VMP1: variants seen among roughly 807,000 people sequenced by gnomAD.
The protein encoded by VMP1 is ectopic P-granules autophagy protein 3 homolog.
VMP1 carries 11 observed loss-of-function variants against 56.0 expected under a neutral mutation model. That is an observed-to-expected ratio of 0.20 (90% CI 0.12 to 0.32). The LOEUF (loss-of-function observed/expected upper bound fraction) is 0.32. Ranked by LOEUF, VMP1 falls within the 10% of genes least tolerant of loss-of-function variation. VMP1 has a pLI of 1.00. For missense variants in VMP1, 296 were observed against 490.3 expected, an observed-to-expected ratio of 0.60 and a Z score of 3.74; for synonymous variants, 149 against 165.0, an observed-to-expected ratio of 0.90 and a Z score of 0.74.
intron 7 of VMP1, among the ~76,000 whole-genome samples, chr17:59,782,368 A>G (rs983690183): frequency 1.4e-4 from 22 of 151,732 alleles, no homozygotes; most frequent in African/African-American, 4.9e-4. Context: ...TGATTTTAAT[A>G]TGTTAGTTTT....
chr17:59,835,990 GTCTGCC>G (rs1319072426), intron 10 of VMP1, among the ~76,000 whole-genome samples: 1 of 150,520 alleles, frequency 6.6e-6, no homozygotes, highest in African/African-American at 2.4e-5. Context: ...AAGATTACTA[GTCTGCC>G]TCCCTAATAT....
rs754107076 is a variant in VMP1, at chr17:59,841,912, A to C, written c.*2001A>C. 6.6e-6 allele frequency: 1 copy of C among 152,238 alleles called. No individual in the cohort carries two copies. The highest frequency in any genetic ancestry group is 1.5e-5 in the Non-Finnish European group (1 of 68,048). The allele number at this position is 152,238 out of a possible 1,614,324, so 9.4% of individuals were successfully genotyped here. ...ATTTTGTTTCCTAGGTTGAAGGTCT[A>C]ATTGATACGTTTGACTTATGATGAC... On this transcript the variant is annotated 3_prime_UTR_variant, in exon 12 of 12. Coordinates refer to ENST00000262291, the MANE Select transcript of VMP1 (RefSeq NM_030938.5).
At chr17:59,710,932 G>A (rs2033900746) in intron 1 of VMP1, among the ~76,000 whole-genome samples, 1 of 152,152 alleles carries the variant, frequency 6.6e-6, no homozygotes. Context: ...AATTAGCTGG[G>A]TGTGGTGGCA....
chr17:59,771,412 A>C (rs1181016657), intron 6 of VMP1, among the ~76,000 whole-genome samples: 3 of 152,068 alleles, frequency 2.0e-5, no homozygotes, highest in African/African-American at 7.2e-5. Flanking sequence ...GGCATGAGCC[A>C]CTGTACTGGG....
At chr17:59,751,602 C>T (rs1296974339) in intron 5 of VMP1, among the ~76,000 whole-genome samples, 2 of 123,274 alleles carry the variant, frequency 1.6e-5, no homozygotes, top group East Asian at 3.1e-4. Flanking sequence ...ATTAGCTGGG[C>T]GTGGTGGGGG....
intron 7 of VMP1, among the ~76,000 whole-genome samples, chr17:59,807,485 C>A (rs1185670795): frequency 6.6e-6 from 1 of 151,866 alleles, no homozygotes; most frequent in Admixed American, 6.6e-5. Flanking sequence ...GCCTGAGCCA[C>A]CGCGCCCGGC....
chr17:59,829,102 C>T (rs1394232871), intron 10 of VMP1, among the ~76,000 whole-genome samples: 1 of 152,108 alleles, frequency 6.6e-6, no homozygotes, highest in Admixed American at 6.5e-5. Flanking sequence ...GGTGATAGAG[C>T]CAGACTCCGT....
At chr17:59,743,499 C>G (rs2035303299) in intron 5 of VMP1, among the ~76,000 whole-genome samples, 4 of 151,218 alleles carry the variant, frequency 2.6e-5, no homozygotes, top group Admixed American at 2.6e-4. Context: ...GTTTGTGTAT[C>G]CATTCACTTA....
intron 7 of VMP1, among the ~76,000 whole-genome samples, chr17:59,802,920 A>G (rs2037723935): frequency 6.6e-6 from 1 of 151,814 alleles, no homozygotes; most frequent in South Asian, 2.1e-4. Flanking sequence ...CTAATTTTGT[A>G]TTTTTAGTAG....
At chr17:59,796,692 T>C (rs2037449186) in intron 7 of VMP1, among the ~76,000 whole-genome samples, 1 of 152,236 alleles carries the variant, frequency 6.6e-6, no homozygotes, top group Non-Finnish European at 1.5e-5. Context: ...TTTAAAGCTA[T>C]TCATTCCTCG....
chr17:59,784,142 T>TGTGTGTGAGA (rs556387089), intron 7 of VMP1, among the ~76,000 whole-genome samples: 62 of 130,458 alleles, frequency 4.8e-4, no homozygotes, highest in East Asian at 1.6e-3. Context: ...TGTGTGTGTG[T>TGTGTGTGAGA]GAGAGAGAGA....
chr17:59,748,209 A>C lies in VMP1; in HGVS notation c.414+9262A>C, dbSNP rs1216720581. Among the ~76,000 whole-genome samples the C allele has an allele frequency of 3.3e-5, 5 of 152,124 alleles. No individual in the cohort carries two copies. In the South Asian group the frequency reaches 6.2e-4, roughly 19 times the overall value. On this transcript the variant is annotated intron_variant, in intron 5 of 11. Transcript: ENST00000262291. The stretch of plus-strand genomic sequence containing the variant: ...AGACTCCGTCTCAAAAAAAAAAAAA[A>C]AAAAAAAACCTTTCCTTTCGTTTTG...
intron 7 of VMP1, among the ~76,000 whole-genome samples, chr17:59,799,978 G>A (rs2144165244): frequency 6.7e-6 from 1 of 150,176 alleles, no homozygotes; most frequent in South Asian, 2.1e-4. Flanking sequence ...ATTTAAAGAG[G>A]ACCTACTCAA....
At chr17:59,754,786 G>A (rs565040923) in intron 5 of VMP1, among the ~76,000 whole-genome samples, 1 of 152,230 alleles carries the variant, frequency 6.6e-6, no homozygotes, top group African/African-American at 2.4e-5. Context: ...ACTCTGCTGA[G>A]CATCACCACA....
At chr17:59,718,208 T>TTC in intron 1 of VMP1, among the ~76,000 whole-genome samples, 1 of 143,098 alleles carries the variant, frequency 7.0e-6, no homozygotes, top group Non-Finnish European at 1.5e-5. Context: ...TTTTTTTTTT[T>TTC]TTTTGTGAGA....
chr17:59,808,393 A>G (rs1042225240), intron 7 of VMP1, among the ~76,000 whole-genome samples: 1 of 152,204 alleles, frequency 6.6e-6, no homozygotes, highest in East Asian at 1.9e-4. Flanking sequence ...TGTTTTTTCC[A>G]TCTTCTGGCT....
intron 7 of VMP1, among the ~76,000 whole-genome samples, chr17:59,805,131 AAGG>A (rs1354180948): frequency 3.9e-5 from 6 of 152,184 alleles, no homozygotes; most frequent in Non-Finnish European, 4.4e-5. Context: ...AAAAAGGTAA[AAGG>A]AGGTTTCAGC....
At chr17:59,777,854 A>AAAAC (rs2036679795) in intron 7 of VMP1, among the ~76,000 whole-genome samples, 1 of 151,766 alleles carries the variant, frequency 6.6e-6, no homozygotes, top group African/African-American at 2.4e-5. Context: ...AAAACAAAAC[A>AAAAC]AAAAAACAAA....
chr17:59,746,373 T>C (rs1289228766), intron 5 of VMP1, among the ~76,000 whole-genome samples: 3 of 152,206 alleles, frequency 2.0e-5, no homozygotes, highest in Admixed American at 6.5e-5. Context: ...GATTTTGCCA[T>C]GTTGGCCAGG....
Sources: allele counts gnomAD v4.1 joint callset (sites outside exome capture counted in the v4.1 genomes callset), GRCh38; gene constraint gnomAD v4.1.1; transcripts MANE v1.5; gene names NCBI Gene and HGNC (gene_info 2026-07-23, HGNC 2026-07-21).